The following CNNM2 variants were observed in gnomAD, a reference collection of about 807,000 sequenced individuals.
CNNM2 encodes the protein metal transporter CNNM2.
Under a neutral mutation model 66.9 loss-of-function variants are expected in CNNM2, and 12 were observed. The ratio of observed to expected loss-of-function variants is 0.18; its 90% CI spans 0.11 to 0.29. The LOEUF (loss-of-function observed/expected upper bound fraction) is 0.29. Ranked by LOEUF, CNNM2 falls within the 10% of genes least tolerant of loss-of-function variation. The probability of loss-of-function intolerance (pLI) is 1.00; values close to 1 mark genes in which losing one functional copy is unlikely to be tolerated. For missense variants in CNNM2, 705 were observed against 1,167.7 expected, an observed-to-expected ratio of 0.60 and a Z score of 5.77; for synonymous variants, 557 against 501.8, an observed-to-expected ratio of 1.11 and a Z score of -1.47.
Position 103,081,281 on chromosome 10 carries a change from C to G in CNNM2, c.*4101C>G, listed in dbSNP as rs1460789737. The stretch of plus-strand genomic sequence containing the variant: ...GCTGGTAGGTTAGGGTCCAGAAGGC[C>G]TCTGAGGTGCCATTGCTTACTTCCT... On this transcript the variant is annotated 3_prime_UTR_variant, in exon 8 of 8. Coordinates refer to ENST00000369878, the MANE Select transcript of CNNM2 (RefSeq NM_017649.5). 6.6e-6 allele frequency: 1 copy of G among 152,338 alleles called. No homozygotes were observed. The highest frequency in any genetic ancestry group is 1.5e-5 in the Non-Finnish European group (1 of 68,140). 9.4% of individuals were successfully genotyped at this position (152,338 alleles called of 1,614,324 possible). A position where few individuals can be genotyped will look rare whatever the true frequency, so the allele number is the denominator to read the frequency against.
chr10:103,033,474 G>A (rs750130181), intron 1 of CNNM2, among the ~76,000 whole-genome samples: 6 of 152,052 alleles, frequency 3.9e-5, no homozygotes, highest in Non-Finnish European at 7.4e-5. Context: ...ACAAATAGGC[G>A]TGAGCCACCA....
intron 1 of CNNM2, among the ~76,000 whole-genome samples, chr10:103,010,859 C>T (rs529825590): frequency 6.6e-6 from 1 of 152,178 alleles, no homozygotes; most frequent in East Asian, 1.9e-4. Flanking sequence ...GTGATCCACT[C>T]CCCCCAGCCT....
chr10:102,989,159 G>C (rs1395052002), intron 1 of CNNM2, among the ~76,000 whole-genome samples: 1 of 152,126 alleles, frequency 6.6e-6, no homozygotes, highest in Non-Finnish European at 1.5e-5. Context: ...ACTGAGTAAC[G>C]TATGTCTATT....
At chr10:103,033,113 G>A (rs1253967042) in intron 1 of CNNM2, among the ~76,000 whole-genome samples, 4 of 140,924 alleles carry the variant, frequency 2.8e-5, no homozygotes, top group Non-Finnish European at 4.6e-5. Flanking sequence ...GTAAGACCCT[G>A]TCCAAAAAAA....
At chr10:102,983,656 G>C (rs2063752000) in intron 1 of CNNM2, among the ~76,000 whole-genome samples, 1 of 152,130 alleles carries the variant, frequency 6.6e-6, no homozygotes, top group South Asian at 2.1e-4. Context: ...GCCCAGGCTG[G>C]TCTTGAACTC....
At chr10:102,977,005 A>ATAAT (rs1467161476) in intron 1 of CNNM2, among the ~76,000 whole-genome samples, 1 of 152,112 alleles carries the variant, frequency 6.6e-6, no homozygotes, top group Admixed American at 6.5e-5. Flanking sequence ...TTATGTGCTG[A>ATAAT]TAATTGGTCA....
rs778337431 is a variant in CNNM2 at position 103,068,626 on chromosome 10, C to T, written c.2074-3C>T. On this transcript the variant is annotated splice_region_variant and splice_polypyrimidine_tract_variant and intron_variant, in intron 4 of 7. Coordinates refer to ENST00000369878, the MANE Select transcript of CNNM2 (RefSeq NM_017649.5). ...TGAAAATACCTGCCTTTTCTCTCCA[C>T]AGGGGAAAGTGGAAGTTGAAGCTGG... The T allele has an allele frequency of 1.9e-6, 3 of 1,609,980 alleles. No individual in the cohort carries two copies.
intron 1 of CNNM2, among the ~76,000 whole-genome samples, chr10:103,003,785 C>T (rs1302775933): frequency 6.6e-6 from 1 of 151,600 alleles, no homozygotes; most frequent in Non-Finnish European, 1.5e-5. Context: ...TTTTAAAACA[C>T]TATTCTCTCC....
chr10:103,073,428 G>C (rs148105503), intron 6 of CNNM2, among the ~76,000 whole-genome samples: 23 of 152,214 alleles, frequency 1.5e-4, no homozygotes, highest in Non-Finnish European at 3.1e-4. Context: ...GAGATTGGTG[G>C]CCAAAGCGCA....
At chr10:102,955,894 C>T (rs751264421) in intron 1 of CNNM2, among the ~76,000 whole-genome samples, 4 of 152,216 alleles carry the variant, frequency 2.6e-5, no homozygotes, top group Admixed American at 2.0e-4. Flanking sequence ...CGTTGGCTCA[C>T]GCCTGTAATC....
In CNNM2 at chr10:102,987,316, CTTA is replaced by C. The variant is rs562811214; in HGVS notation, c.1622-62373_1622-62371del. ...TGAATGAATATGCATATACATTAAG[CTTA>C]TTATTATTATTATTATTTTGAGACG... On this transcript the variant is annotated intron_variant, in intron 1 of 7. Transcript: ENST00000369878. 2.3e-3 allele frequency among the ~76,000 whole-genome samples: 350 copies of C among 151,494 alleles called. 4 individuals carry two copies. The highest frequency in any genetic ancestry group is 6.8e-3 in the Middle Eastern group (2 of 294).
intron 1 of CNNM2, among the ~76,000 whole-genome samples, chr10:102,988,964 C>A (rs990466737): frequency 5.3e-5 from 8 of 152,128 alleles, no homozygotes; most frequent in African/African-American, 1.9e-4. Context: ...GATTAGAAGC[C>A]TTGAGTATAG....
At position 103,044,981 on chromosome 10, in the gene CNNM2, G is replaced by A. The variant is rs532812065; in HGVS notation, c.1622-4726G>A. Among the ~76,000 whole-genome samples, 5 of 152,252 alleles carry A rather than the reference G, an allele frequency of 3.3e-5. No individual in the cohort carries two copies. The East Asian group carries it at 7.7e-4, about 23-fold the overall frequency. ...TTGCTCCAAGACAATCTGATTATAC[G>A]GTAGTTACTTTGGTGAGAATAGCGC... On this transcript the variant is annotated intron_variant, in intron 1 of 7. Transcript: ENST00000369878.
rs2065831796 is a variant in CNNM2, at chr10:103,087,191, T to TTTAAG, written c.*10014_*10018dup. ...TTTTTTTAAGGAAAAAAGTATACCT[T>TTTAAG]TTAAGTTCAGCTTCCTTAACTACTG... On this transcript the variant is annotated 3_prime_UTR_variant, in exon 8 of 8. Transcript: ENST00000369878. The TTTAAG allele has an allele frequency of 9.8e-6, 1 of 102,368 alleles. No homozygotes were observed. Among genetic ancestry groups the TTTAAG allele is most frequent in the East Asian group, 2.8e-4 (1 of 3,534 alleles). The allele number at this position is 102,368 out of a possible 1,614,324, so 6.3% of individuals were successfully genotyped here.
chr10:103,012,507 G>C (rs950928014), intron 1 of CNNM2, among the ~76,000 whole-genome samples: 1 of 152,146 alleles, frequency 6.6e-6, no homozygotes, highest in Non-Finnish European at 1.5e-5. Context: ...AATTATCCAG[G>C]CGTGGTGGTG....
chr10:102,936,629 TG>T (rs2134173163), intron 1 of CNNM2, among the ~76,000 whole-genome samples: 1 of 152,248 alleles, frequency 6.6e-6, no homozygotes, highest in East Asian at 1.9e-4. Flanking sequence ...TCATATTTTG[TG>T]GACCATCTTC....
intron 1 of CNNM2, among the ~76,000 whole-genome samples, chr10:103,048,899 A>G (rs935737654): frequency 2.0e-5 from 3 of 152,088 alleles, no homozygotes; most frequent in African/African-American, 7.2e-5. Flanking sequence ...TCTGTCGCCT[A>G]GGCTGGAGTG....
chr10:103,001,363 T>A (rs2064119279), intron 1 of CNNM2, among the ~76,000 whole-genome samples: 1 of 152,022 alleles, frequency 6.6e-6, no homozygotes, highest in South Asian at 2.1e-4. Context: ...TACAAAAAAT[T>A]GGGGGAAAAA....
rs956818219 is a variant in CNNM2, at chr10:103,081,384, A to T, written c.*4204A>T. The T allele has an allele frequency of 2.0e-5, 3 of 152,164 alleles. No homozygotes were observed. The highest frequency in any genetic ancestry group is 1.3e-4 in the Admixed American group (2 of 15,272). 9.4% of individuals were successfully genotyped at this position (152,164 alleles called of 1,614,324 possible). A position where few individuals can be genotyped will look rare whatever the true frequency, so the allele number is the denominator to read the frequency against. On this transcript the variant is annotated 3_prime_UTR_variant, in exon 8 of 8. Transcript: ENST00000369878. ...AGGCTAGTGGTGCTTCTGTCCATCA[A>T]GGGTATCTGGGTGAGTTGTAGGTTA...
Sources: gnomAD v4.1 joint callset for allele counts (sites outside exome capture counted in the v4.1 genomes callset) on GRCh38, gnomAD v4.1.1 for gene constraint, MANE v1.5 for transcripts, NCBI Gene and HGNC (gene_info 2026-07-23, HGNC 2026-07-21) for gene names.